The following DTWD1 variants were observed in gnomAD, a reference collection of about 807,000 sequenced individuals.
DTWD1 encodes tRNA-uridine aminocarboxypropyltransferase 1.
DTWD1 carries 27 observed loss-of-function variants against 30.2 expected under a neutral mutation model. The ratio of observed to expected loss-of-function variants is 0.90; its 90% CI spans 0.66 to 1.23. DTWD1 has a LOEUF of 1.23. Among genes scored for constraint, DTWD1 ranks in the 50% most tolerant of loss-of-function variants. The probability of loss-of-function intolerance (pLI) is 0.00; values close to 1 mark genes in which losing one functional copy is unlikely to be tolerated. For synonymous variants in DTWD1, 99 were observed against 113.1 expected (o/e 0.88, Z 0.79); for missense variants, 342 against 348.8 (o/e 0.98, Z 0.15).
At chr15:49,634,833 G>A (rs1429327514) in intron 4 of DTWD1, 39 bp downstream of exon 4, 28 of 1,512,382 alleles carry the variant, frequency 1.9e-5, no homozygotes, top group Non-Finnish European at 2.4e-5. Flanking sequence ...TCCTCCCTCA[G>A]ACTTATTTTG....
rs1248941511 is a variant in DTWD1 at position 49,647,073 on chromosome 15, GACTA to G, written c.*3500_*3503del. On this transcript the variant is annotated 3_prime_UTR_variant, in exon 5 of 5. Coordinates refer to ENST00000403028, the MANE Select transcript of DTWD1 (RefSeq NM_001144955.2). ...AGCAGAAGAGATTTAGAGAAGCAGT[GACTA>G]ACTAGGTCAGCCGGAGATTCTCAAA... The G allele has an allele frequency of 6.6e-6, 1 of 152,192 alleles. No homozygotes were observed. Among genetic ancestry groups the G allele is most frequent in the Non-Finnish European group, 1.5e-5 (1 of 68,034 alleles). The allele number at this position is 152,192 out of a possible 1,614,324, so 9.4% of individuals were successfully genotyped here.
intron 2 of DTWD1, chr15:49,626,789 A>G (rs1473910569): frequency 2.3e-6 from 1 of 444,182 alleles, no homozygotes; most frequent in African/African-American, 2.0e-5. Context: ...CTCAGCATCT[A>G]AAATCACATG....
rs1184404598 is a variant in DTWD1, at chr15:49,653,442, C to G, written c.*9864C>G. The G allele has an allele frequency of 6.6e-6, 1 of 152,068 alleles. No individual in the cohort carries two copies. Among genetic ancestry groups the G allele is most frequent in the African/African-American group, 2.4e-5 (1 of 41,428 alleles). The allele number at this position is 152,068 out of a possible 1,614,324, so 9.4% of individuals were successfully genotyped here. A position where few individuals can be genotyped will look rare whatever the true frequency, so the allele number is the denominator to read the frequency against. ...TTCAGCTAACATCTTGATTTTAGAT[C>G]AGTGAGATTTTTGTGTTGGACTTCT... is the stretch of plus-strand genomic sequence containing the variant. On this transcript the variant is annotated 3_prime_UTR_variant, in exon 5 of 5. Coordinates refer to ENST00000403028, the MANE Select transcript of DTWD1 (RefSeq NM_001144955.2).
intron 2 of DTWD1, 78 bp from the exon 3 acceptor site, chr15:49,632,081 A>G: frequency 8.2e-7 from 1 of 1,217,308 alleles, no homozygotes; most frequent in Non-Finnish European, 1.1e-6. Context: ...CTTCCTATTT[A>G]GCTTTAAAGA....
At chr15:49,627,698 A>T (rs763007775) in intron 2 of DTWD1, among the ~76,000 whole-genome samples, 20 of 152,228 alleles carry the variant, frequency 1.3e-4, no homozygotes, top group Admixed American at 2.6e-4. Flanking sequence ...TATCTAAACA[A>T]ATATAAGCAT....
chr15:49,649,115 A>C lies in DTWD1; in HGVS notation c.*5537A>C, dbSNP rs901137405. On this transcript the variant is annotated 3_prime_UTR_variant, in exon 5 of 5. Coordinates refer to ENST00000403028, the MANE Select transcript of DTWD1 (RefSeq NM_001144955.2). ...AGGCTTATCATCAAGGAATTTCAGA[A>C]CACTGTGGATAGAAAATACTAAAAG... 1 of 152,176 alleles carries C rather than the reference A, an allele frequency of 6.6e-6. No homozygotes were observed. The highest frequency in any genetic ancestry group is 2.4e-5 in the African/African-American group (1 of 41,448). The allele number at this position is 152,176 out of a possible 1,614,324, so 9.4% of individuals were successfully genotyped here. A position where few individuals can be genotyped will look rare whatever the true frequency, so the allele number is the denominator to read the frequency against.
At chr15:49,628,785 A>G (rs1220011054) in intron 2 of DTWD1, among the ~76,000 whole-genome samples, 4 of 152,086 alleles carry the variant, frequency 2.6e-5, no homozygotes, top group African/African-American at 9.7e-5. Flanking sequence ...TTAAGCTTTA[A>G]TGTCCATACG....
chr15:49,625,153 T>C lies in DTWD1; in HGVS notation c.-15T>C, dbSNP rs1470362458. The C allele has an allele frequency of 1.9e-6, 3 of 1,609,336 alleles. No individual in the cohort carries two copies. Among genetic ancestry groups the C allele is most frequent in the East Asian group, 2.2e-5 (1 of 44,772 alleles). ...TGTTTTAGAAATAGCCGTTAAACTT[T>C]GGTTTGAATGAAGAATGTCTCTCAA... On this transcript the variant is annotated 5_prime_UTR_variant, in exon 2 of 5. Coordinates refer to ENST00000403028, the MANE Select transcript of DTWD1 (RefSeq NM_001144955.2).
intron 2 of DTWD1, among the ~76,000 whole-genome samples, chr15:49,628,269 C>T (rs2078871411): frequency 1.3e-5 from 2 of 152,120 alleles, no homozygotes; most frequent in African/African-American, 4.8e-5. Flanking sequence ...GGAATACCTC[C>T]TTAAGGACCT....
At chr15:49,625,484 A>C (rs1054519392) in intron 2 of DTWD1, 53 bp downstream of exon 2, 1 of 1,447,206 alleles carries the variant, frequency 6.9e-7, no homozygotes, top group Admixed American at 1.9e-5. Context: ...TTTTAAAAAC[A>C]TCTCATGTAT....
intron 4 of DTWD1, among the ~76,000 whole-genome samples, chr15:49,641,894 A>G (rs1815685981): frequency 6.6e-6 from 1 of 152,090 alleles, no homozygotes. Context: ...TTAAATATGT[A>G]ATAGAACTAG....
intron 1 of DTWD1, among the ~76,000 whole-genome samples, chr15:49,624,109 T>A (rs1174277664): frequency 2.0e-5 from 3 of 152,048 alleles, no homozygotes; most frequent in African/African-American, 4.8e-5. Context: ...TGCCACTAAC[T>A]TCTTCTCAGC....
chr15:49,634,950 G>A (rs1293965576), intron 4 of DTWD1, among the ~76,000 whole-genome samples, 156 bp downstream of exon 4: 1 of 152,130 alleles, frequency 6.6e-6, no homozygotes, highest in African/African-American at 2.4e-5. Flanking sequence ...ATGTGAGTGT[G>A]TATTTATATA....
Position 49,656,211 on chromosome 15 carries a change from A to T in DTWD1, c.*12633A>T, listed in dbSNP as rs1283295250. 4 of 152,118 alleles carry T rather than the reference A, an allele frequency of 2.6e-5. No homozygotes were observed. Among genetic ancestry groups the T allele is most frequent in the African/African-American group, 9.6e-5 (4 of 41,456 alleles). 9.4% of individuals were successfully genotyped at this position (152,118 alleles called of 1,614,324 possible). On this transcript the variant is annotated 3_prime_UTR_variant, in exon 5 of 5. Transcript: ENST00000403028. Reference sequence around the variant, plus strand: ...CCTGGTTCTTTGCTGTAAATTAAATAAAAATTCAAATATTTGTAAAAGAAT... The same window carrying T: ...CCTGGTTCTTTGCTGTAAATTAAATTAAAATTCAAATATTTGTAAAAGAAT...
chr15:49,643,570 A>C lies in DTWD1; in HGVS notation c.907A>C (p.Thr303Pro). The change falls in exon 5 of 5, where the codon ACA becomes CCA. Residue 303 changes from threonine to proline, a missense_variant. Coordinates refer to ENST00000403028, the MANE Select transcript of DTWD1 (RefSeq NM_001144955.2). ...TGGAGATAAGGAAACAGGAAAACTTACACATTAGTTTTTAACAAGCCACTT... is the reference window on the plus strand; with the variant it reads ...TGGAGATAAGGAAACAGGAAAACTTCCACATTAGTTTTTAACAAGCCACTT... ...CSGDKETGKL[T>P]H 1 of 1,591,004 alleles carries C rather than the reference A, an allele frequency of 6.3e-7. No homozygotes were observed.
intron 4 of DTWD1, among the ~76,000 whole-genome samples, chr15:49,639,427 T>C (rs1443651508): frequency 2.0e-5 from 3 of 152,030 alleles, no homozygotes; most frequent in Non-Finnish European, 2.9e-5. Context: ...CAAGGCGTGG[T>C]AGTGTGCACC....
rs1195125902 is a variant in DTWD1 at position 49,654,746 on chromosome 15, A to T, written c.*11168A>T. 6.6e-6 allele frequency: 1 copy of T among 152,110 alleles called. No individual in the cohort carries two copies. The highest frequency in any genetic ancestry group is 1.5e-5 in the Non-Finnish European group (1 of 68,002). The allele number at this position is 152,110 out of a possible 1,614,324, so 9.4% of individuals were successfully genotyped here. ...AAAGGCCACCTAAGGAAGAACTGAG[A>T]CGTCCCAGTCAATAGCACTGCCTTA... On this transcript the variant is annotated 3_prime_UTR_variant, in exon 5 of 5. Transcript: ENST00000403028.
At chr15:49,630,550 A>C (rs1598648250) in intron 2 of DTWD1, among the ~76,000 whole-genome samples, 1 of 152,246 alleles carries the variant, frequency 6.6e-6, no homozygotes, top group African/African-American at 2.4e-5. Context: ...GGCTGAATGC[A>C]GTACTTGTAT....
chr15:49,648,532 A>C lies in DTWD1; in HGVS notation c.*4954A>C, dbSNP rs2079134277. On this transcript the variant is annotated 3_prime_UTR_variant, in exon 5 of 5. Coordinates refer to ENST00000403028, the MANE Select transcript of DTWD1 (RefSeq NM_001144955.2). ...TGGCCAGCCTTATCTGAAACTCCTG[A>C]CCTCAAGTGATCCTGCCTTTGCTTC... 2 of 152,176 alleles carry C rather than the reference A, an allele frequency of 1.3e-5. No homozygotes were observed. Among genetic ancestry groups the C allele is most frequent in the Admixed American group, 1.3e-4 (2 of 15,278 alleles). The allele number at this position is 152,176 out of a possible 1,614,324, so 9.4% of individuals were successfully genotyped here. A position where few individuals can be genotyped will look rare whatever the true frequency, so the allele number is the denominator to read the frequency against.
Sources: allele counts gnomAD v4.1 joint callset (sites outside exome capture counted in the v4.1 genomes callset), GRCh38; gene constraint gnomAD v4.1.1; transcripts MANE v1.5; gene names NCBI Gene and HGNC (gene_info 2026-07-23, HGNC 2026-07-21).